Variants in PCDHGA1 observed in about 807,000 individuals in gnomAD.
PCDHGA1 encodes the protein protocadherin gamma-A1.
Under a neutral mutation model 58.0 loss-of-function variants are expected in PCDHGA1, and 32 were observed. The observed-to-expected ratio is 0.55, with a 90% CI of 0.42 to 0.74. The LOEUF (loss-of-function observed/expected upper bound fraction) is 0.74, where lower values mean the gene tolerates loss of function less well. Ranked by LOEUF, PCDHGA1 falls within the 30% of genes least tolerant of loss-of-function variation. The probability of loss-of-function intolerance (pLI) is 0.00; values close to 1 mark genes in which losing one functional copy is unlikely to be tolerated. For synonymous variants in PCDHGA1, 498 were observed against 501.1 expected (o/e 0.99, Z 0.08); for missense variants, 1,205 against 1,182.3 (o/e 1.02, Z -0.28).
intron 1 of PCDHGA1, among the ~76,000 whole-genome samples, chr5:141,492,593 A>T (rs907659087): frequency 1.3e-5 from 2 of 152,100 alleles, no homozygotes; most frequent in African/African-American, 4.8e-5. Context: ...GGAGCGCTGG[A>T]GCGACTGCCG....
At chr5:141,365,534 T>C (rs761287174) in intron 1 of PCDHGA1, 1 of 1,613,758 alleles carries the variant, frequency 6.2e-7, no homozygotes, top group Non-Finnish European at 8.5e-7. Flanking sequence ...TGATAATTAC[T>C]ATCACCTATT....
intron 1 of PCDHGA1, among the ~76,000 whole-genome samples, chr5:141,382,084 C>A (rs1777939232): frequency 6.6e-6 from 1 of 152,102 alleles, no homozygotes; most frequent in South Asian, 2.1e-4. Flanking sequence ...CCGCCTCGGC[C>A]TCACAAAGTG....
At chr5:141,378,751 G>T (rs72790019) in intron 1 of PCDHGA1, 22 of 152,014 alleles carry the variant, frequency 1.4e-4, no homozygotes, top group Non-Finnish European at 5.9e-5. Flanking sequence ...AAGAAAAAAG[G>T]GATTATCATT....
At chr5:141,440,887 G>C (rs1423303973) in intron 1 of PCDHGA1, 4 of 152,206 alleles carry the variant, frequency 2.6e-5, no homozygotes, top group Non-Finnish European at 5.9e-5. Context: ...TCGGCCTTCA[G>C]GAAGATGTGC....
At chr5:141,357,481 G>C in intron 1 of PCDHGA1, 1 of 1,614,224 alleles carries the variant, frequency 6.2e-7, no homozygotes, top group Non-Finnish European at 8.5e-7. Context: ...CTCCCTCACC[G>C]CGGACTCGCG....
At chr5:141,375,308 G>T (rs761294258) in intron 1 of PCDHGA1, 24 of 1,613,722 alleles carry the variant, frequency 1.5e-5, no homozygotes, top group Non-Finnish European at 8.5e-7. Flanking sequence ...GACAAATGCA[G>T]CTCTAGACCG....
chr5:141,374,568 T>C (rs778991888), intron 1 of PCDHGA1: 1 of 1,613,706 alleles, frequency 6.2e-7, no homozygotes, highest in South Asian at 1.1e-5. Flanking sequence ...GACCCTGATG[T>C]GGGAATGAAC....
chr5:141,401,281 G>C (rs2094135967), intron 1 of PCDHGA1, among the ~76,000 whole-genome samples: 1 of 152,200 alleles, frequency 6.6e-6, no homozygotes, highest in Non-Finnish European at 1.5e-5. Context: ...GGTGGAGGTT[G>C]CGGTGAGCCG....
intron 1 of PCDHGA1, among the ~76,000 whole-genome samples, chr5:141,353,155 A>G (rs1388612880): frequency 1.3e-5 from 2 of 152,052 alleles, no homozygotes; most frequent in African/African-American, 2.4e-5. Context: ...TTAATTTTCA[A>G]TCTTTACTGT....
chr5:141,426,311 G>C (rs895147447), intron 1 of PCDHGA1: 7 of 173,614 alleles, frequency 4.0e-5, no homozygotes, highest in Middle Eastern at 2.9e-3. Context: ...AAGCAGAGAA[G>C]CAGGACCCGG....
intron 1 of PCDHGA1, chr5:141,345,449 C>A: frequency 6.2e-7 from 1 of 1,614,152 alleles, no homozygotes; most frequent in African/African-American, 1.3e-5. Context: ...CCTCCATCTT[C>A]TCAGTGACAG....
chr5:141,462,036 G>A (rs760555655), intron 1 of PCDHGA1, among the ~76,000 whole-genome samples: 5 of 151,978 alleles, frequency 3.3e-5, no homozygotes, highest in African/African-American at 7.3e-5. Flanking sequence ...TTGGTCAGGC[G>A]GGTCTTGAAC....
chr5:141,332,258 TC>T lies in PCDHGA1; in HGVS notation c.1576del (p.Arg526GlyfsTer5), dbSNP rs1412004356. On this transcript the variant is annotated frameshift_variant, in exon 1 of 4. Transcript: ENST00000517417. LOFTEE classifies it high-confidence loss of function. This position sits in a 1 kb window ranked among gnomAD's most constrained non-coding sequence, Gnocchi z 4.6. ...CTGCGATCCTTCGACTATGAGCAGT[TC>T]CGGGACATGCAACTGAAAGTGATGG... ...YALRSFDYEQ[F>X]RDMQLKVMAR... The T allele has an allele frequency of 6.2e-7, 1 of 1,614,198 alleles. No individual in the cohort carries two copies. Among genetic ancestry groups the T allele is most frequent in the East Asian group, 2.2e-5 (1 of 44,874 alleles).
chr5:141,387,784 T>C (rs2091093181), intron 1 of PCDHGA1: 11 of 1,472,396 alleles, frequency 7.5e-6, no homozygotes, highest in African/African-American at 4.2e-5. Flanking sequence ...GAACTGGAAC[T>C]GCAACTAAAG....
intron 1 of PCDHGA1, 100 bp from the exon 2 acceptor site, chr5:141,494,707 G>A: frequency 2.5e-6 from 4 of 1,599,238 alleles, no homozygotes; most frequent in Non-Finnish European, 3.4e-6. Context: ...TCTTCTCTGT[G>A]CCCACTCCCC....
chr5:141,386,716 C>A (rs2090679680), intron 1 of PCDHGA1, among the ~76,000 whole-genome samples: 1 of 152,024 alleles, frequency 6.6e-6, no homozygotes. Context: ...TTGCTGACAC[C>A]AACAATGTTA....
In PCDHGA1 at chr5:141,371,669, C is replaced by T. The variant is rs766031996; in HGVS notation, c.2421+38564C>T. On this transcript the variant is annotated intron_variant, in intron 1 of 3. Coordinates refer to ENST00000517417, the MANE Select transcript of PCDHGA1 (RefSeq NM_018912.3). ...AATACAATGTGACGATCACAGCTAC[C>T]GACAAAGGCAATCCACCGCTCTCCT... 3 of 1,613,874 alleles carry T rather than the reference C, an allele frequency of 1.9e-6. No individual in the cohort carries two copies. The Admixed American group carries it at 5.0e-5, about 27-fold the overall frequency.
chr5:141,475,740 A>G (rs942793010), intron 1 of PCDHGA1, among the ~76,000 whole-genome samples: 4 of 152,280 alleles, frequency 2.6e-5, no homozygotes, highest in Non-Finnish European at 5.9e-5. Flanking sequence ...TCCCTAAGGT[A>G]GGTTTCCTAT....
At chr5:141,423,429 A>G (rs1590473158) in intron 1 of PCDHGA1, 2 of 1,613,960 alleles carry the variant, frequency 1.2e-6, no homozygotes, top group African/African-American at 1.3e-5. Flanking sequence ...GCGGGTTGGC[A>G]GGTATGCCCA....
Sources: allele counts gnomAD v4.1 joint callset (sites outside exome capture counted in the v4.1 genomes callset), GRCh38; gene constraint gnomAD v4.1.1; non-coding constraint Gnocchi (gnomAD v3.1); transcripts MANE v1.5; gene names NCBI Gene and HGNC (gene_info 2026-07-23, HGNC 2026-07-21).